The following GRM7 variants were observed in gnomAD, a reference collection of about 807,000 sequenced individuals.
The protein encoded by GRM7 is metabotropic glutamate receptor 7.
In GRM7, 35 loss-of-function variants were observed where a neutral mutation model predicts 84.5. That is an observed-to-expected ratio of 0.41 (90% CI 0.32 to 0.55). The LOEUF (loss-of-function observed/expected upper bound fraction) is 0.55, where lower values mean the gene tolerates loss of function less well. Among genes scored for constraint, GRM7 ranks in the 20% least tolerant of loss-of-function variants. The pLI, the probability that GRM7 is intolerant of heterozygous loss-of-function variation, is 0.19. For missense variants in GRM7, 1,003 were observed against 1,194.6 expected, an observed-to-expected ratio of 0.84 and a Z score of 2.36; for synonymous variants, 487 against 455.1, an observed-to-expected ratio of 1.07 and a Z score of -0.89.
intron 7 of GRM7, among the ~76,000 whole-genome samples, chr3:7,517,051 G>T (rs886884725): frequency 6.6e-6 from 1 of 152,040 alleles, no homozygotes; most frequent in Non-Finnish European, 1.5e-5. Flanking sequence ...CACAAGCAGG[G>T]CTATGGCATG....
At chr3:7,294,825 A>C (rs974132444) in intron 2 of GRM7, among the ~76,000 whole-genome samples, 8 of 152,224 alleles carry the variant, frequency 5.3e-5, no homozygotes, top group African/African-American at 1.9e-4. Context: ...TGTGCTTCAC[A>C]AGCTCTTCTG....
chr3:7,468,020 G>A (rs2124918564), intron 7 of GRM7, among the ~76,000 whole-genome samples: 1 of 152,256 alleles, frequency 6.6e-6, no homozygotes, highest in Admixed American at 6.5e-5. Context: ...CATAAGAAAA[G>A]CAGTTGATTG....
chr3:7,008,493 A>C (rs1400237215), intron 1 of GRM7, among the ~76,000 whole-genome samples: 1 of 152,226 alleles, frequency 6.6e-6, no homozygotes, highest in African/African-American at 2.4e-5. Context: ...AACTCTCTTC[A>C]ACCAGGAGAA....
intron 9 of GRM7, among the ~76,000 whole-genome samples, chr3:7,724,943 A>AT (rs35753128): frequency 2.6e-5 from 4 of 151,442 alleles, no homozygotes; most frequent in Admixed American, 1.3e-4. Context: ...TTTTATTATT[A>AT]TTTTTTTTTT....
chr3:7,589,564 T>C lies in GRM7; in HGVS notation c.2451+10207T>C, dbSNP rs144905617. Among the ~76,000 whole-genome samples the C allele has an allele frequency of 1.5e-3, 221 of 152,260 alleles. 1 individual carries two copies. The highest frequency in any genetic ancestry group is 4.8e-3 in the African/African-American group (200 of 41,552). On this transcript the variant is annotated intron_variant, in intron 8 of 9. Coordinates refer to ENST00000357716, the MANE Select transcript of GRM7 (RefSeq NM_000844.4). ...ATGGCACAGTCCTTGGACTGAAATCTCTAGAAATGGCCGTGTAAGAGGAGA... is the reference window on the plus strand; with the variant it reads ...ATGGCACAGTCCTTGGACTGAAATCCCTAGAAATGGCCGTGTAAGAGGAGA...
At chr3:7,626,697 A>G (rs1697630558) in intron 8 of GRM7, among the ~76,000 whole-genome samples, 1 of 152,198 alleles carries the variant, frequency 6.6e-6, no homozygotes, top group South Asian at 2.1e-4. Context: ...TACTAGCCAT[A>G]GTGGATTAGA....
At chr3:7,009,261 C>T (rs1162705389) in intron 1 of GRM7, among the ~76,000 whole-genome samples, 1 of 152,196 alleles carries the variant, frequency 6.6e-6, no homozygotes, top group Non-Finnish European at 1.5e-5. Context: ...TGTATCTTCA[C>T]ATCAATACAT....
In GRM7 at chr3:6,900,105, G is replaced by A. The variant is rs531963999; in HGVS notation, c.519+38198G>A. On this transcript the variant is annotated intron_variant, in intron 1 of 9. Transcript: ENST00000357716. ...AATTATTAGTTAAGATAATCTGGAA[G>A]TCTACTAAAAGGGGAATATGTTTAG... Among the ~76,000 whole-genome samples, 270 of 152,318 alleles carry A rather than the reference G, an allele frequency of 1.8e-3. 1 individual carries two copies. Among genetic ancestry groups the A allele is most frequent in the African/African-American group, 6.3e-3 (260 of 41,562 alleles).
intron 1 of GRM7, among the ~76,000 whole-genome samples, chr3:7,073,975 C>CA (rs112409526): frequency 0.31 from 46,577 of 151,748 alleles, 7,601 homozygotes; most frequent in African/African-American, 0.41. Flanking sequence ...GAGGGTGAAA[C>CA]AAAAACATCA....
chr3:6,942,847 T>C (rs1697938111), intron 1 of GRM7, among the ~76,000 whole-genome samples: 1 of 152,160 alleles, frequency 6.6e-6, no homozygotes, highest in African/African-American at 2.4e-5. Context: ...ATAAGCATTG[T>C]ATGAGATGTC....
intron 5 of GRM7, among the ~76,000 whole-genome samples, chr3:7,446,069 C>T (rs1185991041): frequency 6.6e-6 from 1 of 152,176 alleles, no homozygotes; most frequent in South Asian, 2.1e-4. Context: ...TAGATCCAAA[C>T]ATCAATATTT....
intron 8 of GRM7, among the ~76,000 whole-genome samples, chr3:7,638,505 C>G (rs762975499): frequency 6.6e-6 from 1 of 152,160 alleles, no homozygotes; most frequent in African/African-American, 2.4e-5. Context: ...CTCCACATTC[C>G]TACTGTCAGT....
chr3:7,157,579 C>G (rs1395229078), intron 2 of GRM7, among the ~76,000 whole-genome samples: 1 of 151,886 alleles, frequency 6.6e-6, no homozygotes, highest in Non-Finnish European at 1.5e-5. Flanking sequence ...ACTGTTCAAG[C>G]TACTAGCTTT....
chr3:7,571,318 C>G (rs375357929), intron 7 of GRM7, among the ~76,000 whole-genome samples: 13 of 152,286 alleles, frequency 8.5e-5, no homozygotes, highest in African/African-American at 2.9e-4. Context: ...CTTCTGTGCT[C>G]TGCTTTCCTT....
chr3:7,132,506 C>T (rs545882149), intron 1 of GRM7, among the ~76,000 whole-genome samples: 4 of 152,186 alleles, frequency 2.6e-5, no homozygotes, highest in Admixed American at 2.0e-4. Flanking sequence ...GAATTATTTA[C>T]CATGCAGAAA....
At chr3:7,217,931 T>A (rs1405415293) in intron 2 of GRM7, among the ~76,000 whole-genome samples, 4 of 151,956 alleles carry the variant, frequency 2.6e-5, no homozygotes, top group African/African-American at 9.7e-5. Context: ...TCCTCCCATA[T>A]CCTTATTAGT....
intron 1 of GRM7, among the ~76,000 whole-genome samples, chr3:7,105,892 T>C (rs1323881200): frequency 6.6e-6 from 1 of 151,928 alleles, no homozygotes; most frequent in Non-Finnish European, 1.5e-5. Context: ...AAAAATAATT[T>C]AAATTTTGAA....
chr3:7,031,537 C>A (rs191706437), intron 1 of GRM7, among the ~76,000 whole-genome samples: 4,761 of 152,050 alleles, frequency 0.031, 265 homozygotes, highest in African/African-American at 0.11. Flanking sequence ...CTGCCCCAGC[C>A]TCCCGAGTAG....
At chr3:7,641,090 A>G (rs1253470448) in intron 8 of GRM7, among the ~76,000 whole-genome samples, 1 of 152,200 alleles carries the variant, frequency 6.6e-6, no homozygotes, top group Non-Finnish European at 1.5e-5. Flanking sequence ...TCATTAACCA[A>G]TTTAGTTAGT....
Sources: allele counts gnomAD v4.1 joint callset (sites outside exome capture counted in the v4.1 genomes callset), GRCh38; gene constraint gnomAD v4.1.1; transcripts MANE v1.5; gene names NCBI Gene and HGNC (gene_info 2026-07-23, HGNC 2026-07-21).